Variants in DSC2 observed in about 807,000 individuals in gnomAD.
DSC2 encodes the protein desmocollin 2.
Under a neutral mutation model 87.6 loss-of-function variants are expected in DSC2, and 51 were observed. The ratio of observed to expected loss-of-function variants is 0.58; its 90% CI spans 0.46 to 0.74. DSC2 has a LOEUF of 0.74. DSC2 is among the 30% of genes least tolerant of loss of function. The probability of loss-of-function intolerance (pLI) is 0.00; values close to 1 mark genes in which losing one functional copy is unlikely to be tolerated. For missense variants in DSC2, 1,066 were observed against 1,089.5 expected, an observed-to-expected ratio of 0.98 and a Z score of 0.30; for synonymous variants, 383 against 393.2, an observed-to-expected ratio of 0.97 and a Z score of 0.31.
chr18:31,101,075 G>A, intron 1 of DSC2: 1 of 477,766 alleles, frequency 2.1e-6, no homozygotes, highest in Non-Finnish European at 2.7e-6. Context: ...TGGGGCAAGG[G>A]GCGGTGGCGC....
intron 11 of DSC2, among the ~76,000 whole-genome samples, chr18:31,079,287 T>G (rs1486620134): frequency 6.6e-6 from 1 of 152,198 alleles, no homozygotes. Context: ...AGAGTCTTAC[T>G]CTGTCGCCCA....
intron 14 of DSC2, among the ~76,000 whole-genome samples, chr18:31,069,359 T>A (rs1349874852): frequency 2.0e-5 from 3 of 152,140 alleles, no homozygotes; most frequent in Non-Finnish European, 4.4e-5. Context: ...AAGCAAACTG[T>A]CAAGTGGTTG....
Position 31,074,604 on chromosome 18 carries a change from C to G in DSC2, c.1888+79G>C, listed in dbSNP as rs1423880605. The G allele has an allele frequency of 6.7e-6, 9 of 1,337,976 alleles. No homozygotes were observed. In the African/African-American group the frequency reaches 1.3e-4, roughly 20 times the overall value. 82.9% of individuals were successfully genotyped at this position (1,337,976 alleles called of 1,614,324 possible). A position where few individuals can be genotyped will look rare whatever the true frequency, so the allele number is the denominator to read the frequency against. Reference sequence around the variant, plus strand: ...GTGTTTCCCACATGGTGAATTTTCTCCTATTTCATACAAAAAAAAAAAAGT... The same window carrying G: ...GTGTTTCCCACATGGTGAATTTTCTGCTATTTCATACAAAAAAAAAAAAGT... On this transcript the variant is annotated intron_variant, in intron 12 of 15. Transcript: ENST00000280904.
At chr18:31,096,090 G>T (rs1296444591) in intron 1 of DSC2, among the ~76,000 whole-genome samples, 1 of 152,098 alleles carries the variant, frequency 6.6e-6, no homozygotes, top group Non-Finnish European at 1.5e-5. Context: ...AGAAACCAAA[G>T]ATTTACTTGG....
intron 13 of DSC2, 134 bp from the exon 14 acceptor site, chr18:31,070,984 G>C: frequency 9.0e-7 from 1 of 1,114,470 alleles, no homozygotes; most frequent in Non-Finnish European, 1.3e-6. Context: ...TGGATTGCTT[G>C]TGTCAAAGCA....
Position 31,082,961 on chromosome 18 carries a change from C to T in DSC2, c.1042G>A (p.Val348Ile), listed in dbSNP as rs1987276823. 1 of 1,613,452 alleles carries T rather than the reference C, an allele frequency of 6.2e-7. No homozygotes were observed. Among genetic ancestry groups the T allele is most frequent in the Non-Finnish European group, 8.5e-7 (1 of 1,179,930 alleles). Residue 348 changes from valine (V) to isoleucine (I), a missense_variant, in exon 8 of 16, where the codon GTA becomes ATA. By Grantham distance (29) the Val-to-Ile change is conservative. Coordinates refer to ENST00000280904, the MANE Select transcript of DSC2 (RefSeq NM_024422.6). The stretch of plus-strand genomic sequence containing the variant: ...GTAAATGTTGGCAAGTGGTCATTTA[C>T]ATCATCAATGTTAATGATACAAGTT... ...TSTCIINIDD[V>I]NDHLPTFTRT... is the part of the protein sequence containing the mutation.
chr18:31,071,736 T>A lies in DSC2; in HGVS notation c.1994A>T (p.Asp665Val). 6.2e-7 allele frequency: 1 copy of A among 1,613,936 alleles called. No individual in the cohort carries two copies. The highest frequency in any genetic ancestry group is 2.2e-5 in the East Asian group (1 of 44,796). Reference sequence around the variant, plus strand: ...GGTAATGCAGTCACACAGTGTAACATCCAATGAAGTGACACTAGACATGCC... The same window carrying A: ...GGTAATGCAGTCACACAGTGTAACAACCAATGAAGTGACACTAGACATGCC... ...RLGMSSVTSL[D>V]VTLCDCITEN... The change falls in exon 13 of 16, where the codon GAT becomes GTT. Residue 665 changes from aspartate to valine, a missense_variant. Transcript: ENST00000280904.
chr18:31,068,677 T>C (rs1363239297), intron 15 of DSC2, among the ~76,000 whole-genome samples: 3 of 152,176 alleles, frequency 2.0e-5, no homozygotes, highest in African/African-American at 7.2e-5. Flanking sequence ...CATCACACAT[T>C]ATTTAGTAAT....
Position 31,092,826 on chromosome 18 carries a change from T to C in DSC2, c.155-526A>G, listed in dbSNP as rs984256835. Among the ~76,000 whole-genome samples the C allele has an allele frequency of 9.9e-5, 15 of 152,022 alleles. 1 individual carries two copies. Among genetic ancestry groups the C allele is most frequent in the Admixed American group, 5.9e-4 (9 of 15,262 alleles). The stretch of plus-strand genomic sequence containing the variant: ...AGAGTGAAATATTTAAGAATAAAAA[T>C]CCAAAAACAGTATCTTTAAACTAAA... On this transcript the variant is annotated intron_variant, in intron 2 of 15. Coordinates refer to ENST00000280904, the MANE Select transcript of DSC2 (RefSeq NM_024422.6).
Position 31,065,931 on chromosome 18 carries a change from T to A in DSC2, c.*2084A>T, listed in dbSNP as rs1184054618. ...GAAAAATCTTTTCAGTATCTTATTG[T>A]CTTAATTGACCTTTTGTTAACATGA... On this transcript the variant is annotated 3_prime_UTR_variant, in exon 16 of 16. Transcript: ENST00000280904. 19 of 152,214 alleles carry A rather than the reference T, an allele frequency of 1.2e-4. 1 individual carries two copies. Among genetic ancestry groups the A allele is most frequent in the Admixed American group, 1.2e-3 (19 of 15,280 alleles). 9.4% of individuals were successfully genotyped at this position (152,214 alleles called of 1,614,324 possible). A position where few individuals can be genotyped will look rare whatever the true frequency, so the allele number is the denominator to read the frequency against.
At chr18:31,097,267 G>A (rs542659378) in intron 1 of DSC2, among the ~76,000 whole-genome samples, 44 of 148,156 alleles carry the variant, frequency 3.0e-4, no homozygotes, top group Non-Finnish European at 5.6e-4. Flanking sequence ...CAGCCTGGGC[G>A]ACAGAGCGAG....
chr18:31,096,660 AT>A (rs534769165), intron 1 of DSC2, among the ~76,000 whole-genome samples: 15 of 151,944 alleles, frequency 9.9e-5, no homozygotes, highest in Non-Finnish European at 2.2e-4. Context: ...AACCATTCTT[AT>A]TTTTTTTAGT....
intron 3 of DSC2, 65 bp from the exon 4 acceptor site, chr18:31,091,212 A>C: frequency 6.3e-7 from 1 of 1,591,228 alleles, no homozygotes; most frequent in Non-Finnish European, 8.6e-7. Flanking sequence ...ACATTAAACA[A>C]TGACACATCT....
chr18:31,060,791 A>C lies in DSC2; in HGVS notation c.*7224T>G, dbSNP rs1350087269. 2.0e-5 allele frequency: 3 copies of C among 152,194 alleles called. No individual in the cohort carries two copies. Among genetic ancestry groups the C allele is most frequent in the African/African-American group, 7.2e-5 (3 of 41,448 alleles). 9.4% of individuals were successfully genotyped at this position (152,194 alleles called of 1,614,324 possible). On this transcript the variant is annotated 3_prime_UTR_variant, in exon 16 of 16. Transcript: ENST00000280904. ...TACCTTAAGACTATTTCTCTCGTTC[A>C]CATGCATGTAGAAAGTAGAAACCAC...
intron 1 of DSC2, among the ~76,000 whole-genome samples, chr18:31,096,231 A>G (rs183083715): frequency 3.3e-5 from 5 of 152,230 alleles, no homozygotes; most frequent in African/African-American, 1.2e-4. Context: ...AAAACTAATT[A>G]AAAATCAGGG....
chr18:31,068,095 G>C lies in DSC2; in HGVS notation c.2626C>G (p.Gln876Glu), dbSNP rs727504906. 3 of 1,613,776 alleles carry C rather than the reference G, an allele frequency of 1.9e-6. No homozygotes were observed. The highest frequency in any genetic ancestry group is 2.5e-6 in the Non-Finnish European group (3 of 1,179,978). ...AGSVGCCSER[Q>E]EEDGLEFLDN... ...AAAAATTCAAGCCCATCTTCTTCTT[G>C]TCGTTCACTGCAACAACCTACAGAC... Residue 876 changes from glutamine to glutamate, a missense_variant, in exon 16 of 16, where the codon CAA becomes GAA. Transcript: ENST00000280904.
chr18:31,075,374 T>C (rs1463535748), intron 11 of DSC2, among the ~76,000 whole-genome samples: 2 of 152,082 alleles, frequency 1.3e-5, no homozygotes, highest in African/African-American at 4.8e-5. Context: ...GTTGGATAAA[T>C]AGGTAGCACT....
At chr18:31,082,871 T>C (rs1987272038) in intron 8 of DSC2, 55 bp downstream of exon 8, 1 of 1,591,326 alleles carries the variant, frequency 6.3e-7, no homozygotes. Context: ...GATGTGCATA[T>C]TAAACAATTA....
At chr18:31,097,759 G>C (rs995438764) in intron 1 of DSC2, among the ~76,000 whole-genome samples, 1 of 151,802 alleles carries the variant, frequency 6.6e-6, no homozygotes, top group Non-Finnish European at 1.5e-5. Flanking sequence ...ATATGACTGC[G>C]TAAAGTCCCT....
Sources: gnomAD v4.1 joint callset for allele counts (sites outside exome capture counted in the v4.1 genomes callset) on GRCh38, gnomAD v4.1.1 for gene constraint, MANE v1.5 for transcripts, NCBI Gene and HGNC (gene_info 2026-07-23, HGNC 2026-07-21) for gene names.